PITPNC1: variants seen among roughly 807,000 people sequenced by gnomAD.
PITPNC1 encodes the protein phosphatidylinositol transfer protein cytoplasmic 1, also known as cytoplasmic phosphatidylinositol transfer protein 1.
A neutral mutation model predicts 44.7 loss-of-function variants in PITPNC1; 18 were observed. That is an observed-to-expected ratio of 0.40 (90% CI 0.28 to 0.60). PITPNC1 has a LOEUF of 0.60. Ranked by LOEUF, PITPNC1 falls within the 20% of genes least tolerant of loss-of-function variation. The pLI is 0.39. For synonymous variants in PITPNC1, 141 were observed against 149.6 expected (o/e 0.94, Z 0.42); for missense variants, 290 against 418.4 (o/e 0.69, Z 2.68).
In PITPNC1 at chr17:67,378,292, G is replaced by A. The variant is rs997713102; in HGVS notation, c.48+90G>A. On this transcript the variant is annotated intron_variant, in intron 1 of 8. Coordinates refer to ENST00000581322, the MANE Select transcript of PITPNC1 (RefSeq NM_012417.4). ...GCCGGCGAGCCCCGGGCGAGCGGCA[G>A]GAAACCCAGGTGGACGTTACCCCGC... 2.9e-5 allele frequency: 24 copies of A among 826,206 alleles called. No individual in the cohort carries two copies. In the African/African-American group the frequency reaches 4.2e-4, roughly 15 times the overall value. 51.2% of individuals were successfully genotyped at this position (826,206 alleles called of 1,614,324 possible). A position where few individuals can be genotyped will look rare whatever the true frequency, so the allele number is the denominator to read the frequency against.
chr17:67,505,165 A>C (rs896581631), intron 1 of PITPNC1, among the ~76,000 whole-genome samples: 1 of 152,186 alleles, frequency 6.6e-6, no homozygotes, highest in African/African-American at 2.4e-5. Flanking sequence ...AGACTTCCAC[A>C]TGCACTGAAA....
chr17:67,393,322 C>T (rs1177179208), intron 1 of PITPNC1, among the ~76,000 whole-genome samples: 1 of 152,024 alleles, frequency 6.6e-6, no homozygotes, highest in Non-Finnish European at 1.5e-5. Context: ...CCCTAAATCC[C>T]TATTTCTCCC....
chr17:67,559,604 A>T (rs1166076258), intron 4 of PITPNC1, among the ~76,000 whole-genome samples: 1 of 152,208 alleles, frequency 6.6e-6, no homozygotes. Flanking sequence ...GAGGACAGTA[A>T]GGCCAGGTGT....
At chr17:67,400,860 C>T (rs921658696) in intron 1 of PITPNC1, among the ~76,000 whole-genome samples, 14 of 151,506 alleles carry the variant, frequency 9.2e-5, no homozygotes, top group South Asian at 6.2e-4. Flanking sequence ...TCTAATCCTT[C>T]GTGAATGTGG....
intron 6 of PITPNC1, among the ~76,000 whole-genome samples, chr17:67,655,558 CA>C (rs796111267): frequency 0.069 from 2,897 of 41,830 alleles, 10 homozygotes; most frequent in East Asian, 0.2. Flanking sequence ...AGACTCATCT[CA>C]AAAAAAAAAA....
At chr17:67,524,541 C>T (rs2040370480) in intron 1 of PITPNC1, 1 of 150,826 alleles carries the variant, frequency 6.6e-6, no homozygotes, top group African/African-American at 2.4e-5. Context: ...TCATTTCAAT[C>T]AACATAAAAA....
intron 1 of PITPNC1, among the ~76,000 whole-genome samples, chr17:67,477,591 G>C (rs1175096233): frequency 2.0e-5 from 3 of 151,662 alleles, no homozygotes; most frequent in African/African-American, 7.3e-5. Flanking sequence ...GTAGAGACAG[G>C]GTCTTGCTAT....
At chr17:67,399,845 G>A (rs2038280527) in intron 1 of PITPNC1, among the ~76,000 whole-genome samples, 1 of 152,208 alleles carries the variant, frequency 6.6e-6, no homozygotes, top group African/African-American at 2.4e-5. Context: ...TGGGGTTGGT[G>A]CAATACTGTG....
chr17:67,611,254 G>C (rs2041683825), intron 5 of PITPNC1: 1 of 152,162 alleles, frequency 6.6e-6, no homozygotes, highest in Admixed American at 6.6e-5. Context: ...TGTAGTACTG[G>C]GGCACTGAAT....
At chr17:67,511,369 G>A (rs1310921965) in intron 1 of PITPNC1, among the ~76,000 whole-genome samples, 3 of 152,208 alleles carry the variant, frequency 2.0e-5, no homozygotes, top group Non-Finnish European at 4.4e-5. Flanking sequence ...TTCCTAGGTA[G>A]AGTAGCTAGG....
chr17:67,470,576 T>C (rs1175319241), intron 1 of PITPNC1, among the ~76,000 whole-genome samples: 1 of 151,248 alleles, frequency 6.6e-6, no homozygotes, highest in Non-Finnish European at 1.5e-5. Flanking sequence ...GGGAGGGAGG[T>C]GGGGGGGGTC....
chr17:67,459,244 A>C (rs2039302323), intron 1 of PITPNC1, among the ~76,000 whole-genome samples: 1 of 150,120 alleles, frequency 6.7e-6, no homozygotes. Flanking sequence ...CAGCCTCCCG[A>C]GTAGCTGGGA....
intron 1 of PITPNC1, among the ~76,000 whole-genome samples, chr17:67,422,429 GT>G (rs1376584245): frequency 6.6e-6 from 1 of 152,188 alleles, no homozygotes; most frequent in Non-Finnish European, 1.5e-5. Flanking sequence ...GTCTTGCTAT[GT>G]TGCCTAGGCT....
intron 5 of PITPNC1, among the ~76,000 whole-genome samples, chr17:67,603,942 T>C (rs113856210): frequency 3.0e-5 from 4 of 135,334 alleles, no homozygotes; most frequent in African/African-American, 1.1e-4. Flanking sequence ...CTCATAGATT[T>C]AAAAAAAAAA....
chr17:67,505,291 C>T (rs1209874745), intron 1 of PITPNC1, among the ~76,000 whole-genome samples: 1 of 152,080 alleles, frequency 6.6e-6, no homozygotes, highest in African/African-American at 2.4e-5. Context: ...TTGTTCTATC[C>T]ATTATTCAAA....
intron 5 of PITPNC1, among the ~76,000 whole-genome samples, chr17:67,627,414 A>T (rs1454622135): frequency 6.6e-6 from 1 of 152,190 alleles, no homozygotes; most frequent in African/African-American, 2.4e-5. Context: ...TATTCCATGG[A>T]CTTTGGCATG....
At chr17:67,422,318 T>C (rs1333618763) in intron 1 of PITPNC1, among the ~76,000 whole-genome samples, 1 of 152,238 alleles carries the variant, frequency 6.6e-6, no homozygotes. Context: ...GGAGACAGAC[T>C]GAGTTTGAAT....
At chr17:67,578,789 C>T (rs1383572460) in intron 5 of PITPNC1, among the ~76,000 whole-genome samples, 1 of 152,212 alleles carries the variant, frequency 6.6e-6, no homozygotes, top group African/African-American at 2.4e-5. Flanking sequence ...CAAGACCAGC[C>T]TGGCCAACAT....
At chr17:67,420,955 A>G (rs928591379) in intron 1 of PITPNC1, among the ~76,000 whole-genome samples, 2 of 152,070 alleles carry the variant, frequency 1.3e-5, no homozygotes, top group Non-Finnish European at 2.9e-5. Flanking sequence ...TTAGAATTTC[A>G]CCAGCCATGA....
Sources: gnomAD v4.1 joint callset for allele counts (sites outside exome capture counted in the v4.1 genomes callset) on GRCh38, gnomAD v4.1.1 for gene constraint, MANE v1.5 for transcripts, NCBI Gene and HGNC (gene_info 2026-07-23, HGNC 2026-07-21) for gene names.